The following MTAP variants were observed in gnomAD, a reference collection of about 807,000 sequenced individuals.
MTAP encodes S-methyl-5'-thioadenosine phosphorylase.
Under a neutral mutation model 33.6 loss-of-function variants are expected in MTAP, and 33 were observed. The ratio of observed to expected loss-of-function variants is 0.98; its 90% CI spans 0.74 to 1.31. The LOEUF (loss-of-function observed/expected upper bound fraction) is 1.31, where lower values mean the gene tolerates loss of function less well. Ranked by LOEUF, MTAP falls within the 40% of genes most tolerant of loss-of-function variation. The pLI is 0.00. For missense variants in MTAP, 367 were observed against 360.0 expected (o/e 1.02, Z -0.16); for synonymous variants, 148 against 125.7 (o/e 1.18, Z -1.19).
chr9:21,869,830 C>G (rs937635200), downstream of MTAP, among the ~76,000 whole-genome samples: 1 of 152,158 alleles, frequency 6.6e-6, no homozygotes, highest in African/African-American at 2.4e-5. Flanking sequence ...TACTTTTGTT[C>G]CCTAGAGCAA....
At chr9:21,872,650 G>C (rs1825954175) in intron 1 of MTAP, among the ~76,000 whole-genome samples, 5 of 152,106 alleles carry the variant, frequency 3.3e-5, no homozygotes, top group Admixed American at 3.3e-4. Context: ...CAATAGTCAA[G>C]CTAAAGAAGA....
downstream of MTAP, among the ~76,000 whole-genome samples, chr9:21,871,680 G>A (rs377586127): frequency 1.3e-5 from 2 of 151,948 alleles, no homozygotes; most frequent in East Asian, 3.8e-4. Context: ...GCCATCCTTC[G>A]GTTTCCACCT....
In MTAP at chr9:21,844,384, C is replaced by G. The variant is rs369306052; in HGVS notation, c.450+6374C>G. Among the ~76,000 whole-genome samples the G allele has an allele frequency of 1.2e-4, 18 of 152,238 alleles. No homozygotes were observed. In the East Asian group the frequency reaches 2.7e-3, roughly 23 times the overall value. ...ATCCTTCCTAATTCATTCTGTGAAG[C>G]CAGTATCCCCCTAATTACAAAATCA... On this transcript the variant is annotated intron_variant, in intron 5 of 7. Coordinates refer to ENST00000644715, the MANE Select transcript of MTAP (RefSeq NM_002451.4).
In MTAP at chr9:21,864,999, G is replaced by C; in HGVS notation, c.*2985G>C. The C allele has an allele frequency of 2.0e-6, 2 of 985,434 alleles. No individual in the cohort carries two copies. Among genetic ancestry groups the C allele is most frequent in the Non-Finnish European group, 2.4e-6 (2 of 829,936 alleles). The allele number at this position is 985,434 out of a possible 1,614,324, so 61.0% of individuals were successfully genotyped here. ...TTATCCAGTGAAACAATTTGATAAG[G>C]TTTCAAGGAGTATCTGATGGGTTAG... On this transcript the variant is annotated 3_prime_UTR_variant, in exon 8 of 8. Coordinates refer to ENST00000644715, the MANE Select transcript of MTAP (RefSeq NM_002451.4).
chr9:21,842,965 G>A (rs934742370), intron 5 of MTAP, among the ~76,000 whole-genome samples: 6 of 152,102 alleles, frequency 3.9e-5, no homozygotes, highest in African/African-American at 9.7e-5. Context: ...GAAAAGATAC[G>A]CAATGGCAGA....
intron 1 of MTAP, among the ~76,000 whole-genome samples, chr9:21,915,662 T>C (rs1270590025): frequency 6.6e-6 from 1 of 152,186 alleles, no homozygotes. Flanking sequence ...AGAGGAGTGA[T>C]ATAATCTGAC....
At chr9:21,909,504 T>G (rs1406619204) in intron 1 of MTAP, among the ~76,000 whole-genome samples, 2 of 152,260 alleles carry the variant, frequency 1.3e-5, no homozygotes. Context: ...ATTAAGCTAT[T>G]CAAAACCAAC....
At chr9:21,895,392 T>C (rs1818273777) in intron 1 of MTAP, among the ~76,000 whole-genome samples, 1 of 152,218 alleles carries the variant, frequency 6.6e-6, no homozygotes, top group Admixed American at 6.5e-5. Context: ...AGCTCCAGTC[T>C]GCAGCTTCCA....
chr9:21,915,964 G>A (rs1224776560), intron 1 of MTAP, among the ~76,000 whole-genome samples: 1 of 151,624 alleles, frequency 6.6e-6, no homozygotes, highest in Non-Finnish European at 1.5e-5. Context: ...GAGTCCAGGA[G>A]GTTGAGGTTG....
At chr9:21,895,580 T>A (rs1435789430) in intron 1 of MTAP, among the ~76,000 whole-genome samples, 1 of 152,128 alleles carries the variant, frequency 6.6e-6, no homozygotes, top group Non-Finnish European at 1.5e-5. Context: ...TTGTGACAGA[T>A]GGTACCTGGA....
At chr9:21,832,742 C>CAGTTTTTGAGTTCCTATT (rs1448764671) in intron 4 of MTAP, among the ~76,000 whole-genome samples, 6 of 152,124 alleles carry the variant, frequency 3.9e-5, no homozygotes. Context: ...CCTACACTAC[C>CAGTTTTTGAGTTCCTATT]AGTTTTTGAG....
chr9:21,855,073 A>G (rs1391208064), intron 6 of MTAP, among the ~76,000 whole-genome samples: 5 of 152,246 alleles, frequency 3.3e-5, no homozygotes, highest in Non-Finnish European at 7.3e-5. Context: ...AAGGATCAGT[A>G]GTGAAAATAG....
intron 1 of MTAP, among the ~76,000 whole-genome samples, chr9:21,876,046 T>C (rs1051294453): frequency 6.6e-6 from 1 of 152,194 alleles, no homozygotes; most frequent in Non-Finnish European, 1.5e-5. Context: ...ATTTTTTTAC[T>C]TTTTAATAAT....
chr9:21,855,199 C>A (rs1825611043), intron 6 of MTAP, among the ~76,000 whole-genome samples: 1 of 151,738 alleles, frequency 6.6e-6, no homozygotes, highest in Non-Finnish European at 1.5e-5. Context: ...TTTTTGTTTT[C>A]AAGAAGGAAA....
At chr9:21,876,113 G>A (rs774379220) in intron 1 of MTAP, among the ~76,000 whole-genome samples, 39 of 152,098 alleles carry the variant, frequency 2.6e-4, no homozygotes, top group Admixed American at 1.2e-3. Flanking sequence ...TGCATTTCTC[G>A]AATGATCAGT....
chr9:21,908,423 T>C (rs1818508697), intron 1 of MTAP, among the ~76,000 whole-genome samples: 1 of 152,140 alleles, frequency 6.6e-6, no homozygotes, highest in Non-Finnish European at 1.5e-5. Flanking sequence ...TAAATATTCA[T>C]GTTCAGGTTT....
At chr9:21,915,068 C>T (rs1818662201) in intron 1 of MTAP, among the ~76,000 whole-genome samples, 1 of 124,600 alleles carries the variant, frequency 8.0e-6, no homozygotes, top group Non-Finnish European at 1.5e-5. Context: ...TTCTTTCTTT[C>T]TTTCTTTCTT....
chr9:21,817,978 G>A, intron 3 of MTAP, 57 bp from the exon 4 acceptor site: 1 of 1,496,426 alleles, frequency 6.7e-7, no homozygotes, highest in Non-Finnish European at 8.9e-7. Context: ...GACTCTAGGA[G>A]AAAACAGTTG....
At chr9:21,918,003 T>C (rs1304869708) in intron 1 of MTAP, among the ~76,000 whole-genome samples, 1 of 152,174 alleles carries the variant, frequency 6.6e-6, no homozygotes, top group African/African-American at 2.4e-5. Context: ...GAAAACCCAA[T>C]ATTGTATGTT....
Sources: allele counts gnomAD v4.1 joint callset (sites outside exome capture counted in the v4.1 genomes callset), GRCh38; gene constraint gnomAD v4.1.1; transcripts MANE v1.5; gene names NCBI Gene and HGNC (gene_info 2026-07-23, HGNC 2026-07-21).